Variants in EYS observed in about 807,000 individuals in gnomAD.
EYS encodes protein eyes shut homolog.
Under a neutral mutation model 282.1 loss-of-function variants are expected in EYS, and 250 were observed. The observed-to-expected ratio is 0.89, with a 90% CI of 0.80 to 0.98. The LOEUF (loss-of-function observed/expected upper bound fraction) is 0.98. Among genes scored for constraint, EYS ranks in the 50% least tolerant of loss-of-function variants. EYS has a pLI of 0.00. For synonymous variants in EYS, 1,355 were observed against 1,282.9 expected (o/e 1.06, Z -1.20); for missense variants, 4,016 against 3,709.0 (o/e 1.08, Z -2.15).
intron 35 of EYS, among the ~76,000 whole-genome samples, chr6:63,913,915 T>A (rs1220906199): frequency 1.3e-5 from 2 of 152,220 alleles, no homozygotes; most frequent in Non-Finnish European, 2.9e-5. Context: ...AGCGTATGCT[T>A]CTTTCTGTCT....
chr6:65,112,962 T>A (rs1775255493), intron 12 of EYS, among the ~76,000 whole-genome samples: 1 of 152,124 alleles, frequency 6.6e-6, no homozygotes, highest in Non-Finnish European at 1.5e-5. Flanking sequence ...GTGTTCAGCA[T>A]GTTTCTACAC....
intron 12 of EYS, among the ~76,000 whole-genome samples, chr6:65,070,073 C>T (rs1026789044): frequency 6.6e-6 from 1 of 151,866 alleles, no homozygotes; most frequent in African/African-American, 2.4e-5. Flanking sequence ...GAGGTTAAAA[C>T]AATTCCTAAA....
intron 29 of EYS, among the ~76,000 whole-genome samples, chr6:64,312,524 G>A (rs1024962831): frequency 6.6e-6 from 1 of 152,196 alleles, no homozygotes; most frequent in Non-Finnish European, 1.5e-5. Context: ...CATCGTTTGA[G>A]CTCTGTTAAG....
At chr6:64,255,364 T>C (rs1383366395) in intron 30 of EYS, among the ~76,000 whole-genome samples, 1 of 152,134 alleles carries the variant, frequency 6.6e-6, no homozygotes, top group Non-Finnish European at 1.5e-5. Context: ...ATGAGCATCA[T>C]CTTTCTTTTC....
chr6:65,214,921 G>A (rs143729139), intron 12 of EYS, among the ~76,000 whole-genome samples: 2 of 152,160 alleles, frequency 1.3e-5, no homozygotes, highest in African/African-American at 2.4e-5. Context: ...TCTGGTTACA[G>A]GATGGTTTAC....
intron 34 of EYS, among the ~76,000 whole-genome samples, chr6:63,991,872 C>T (rs956860701): frequency 6.6e-6 from 1 of 151,654 alleles, no homozygotes; most frequent in African/African-American, 2.4e-5. Context: ...TGGGAGCTCC[C>T]ATGAGACTAT....
intron 5 of EYS, among the ~76,000 whole-genome samples, chr6:65,433,859 A>T (rs899079551): frequency 6.6e-6 from 1 of 152,170 alleles, no homozygotes; most frequent in African/African-American, 2.4e-5. Context: ...GGAAAAATTA[A>T]CAAGTTGAAA....
intron 12 of EYS, among the ~76,000 whole-genome samples, chr6:65,110,477 T>G (rs1343047746): frequency 6.6e-6 from 1 of 152,120 alleles, no homozygotes; most frequent in Admixed American, 6.5e-5. Flanking sequence ...GGTAAAACTT[T>G]ATAGAGGGCA....
At chr6:64,447,131 G>T (rs1775142518) in intron 26 of EYS, among the ~76,000 whole-genome samples, 1 of 151,988 alleles carries the variant, frequency 6.6e-6, no homozygotes, top group Admixed American at 6.6e-5. Context: ...ATCACATCTT[G>T]ATTCTTGATT....
chr6:65,542,477 G>A (rs1582435112), intron 2 of EYS, among the ~76,000 whole-genome samples: 1 of 45,750 alleles, frequency 2.2e-5, no homozygotes, highest in South Asian at 7.9e-4. Flanking sequence ...AATAGAATGT[G>A]TGTGTGTGTG....
intron 29 of EYS, among the ~76,000 whole-genome samples, chr6:64,382,527 C>A (rs79127632): frequency 9.5e-4 from 145 of 152,330 alleles, no homozygotes; most frequent in African/African-American, 3.4e-3. Flanking sequence ...CTCACATCTT[C>A]ATAGGTTTAC....
chr6:64,371,562 T>C (rs1470293455), intron 29 of EYS, among the ~76,000 whole-genome samples: 1 of 152,116 alleles, frequency 6.6e-6, no homozygotes, highest in African/African-American at 2.4e-5. Flanking sequence ...ATCCCAAATA[T>C]CTTTGTTAAT....
At chr6:65,290,270 A>C (rs1168004965) in intron 12 of EYS, among the ~76,000 whole-genome samples, 1 of 151,094 alleles carries the variant, frequency 6.6e-6, no homozygotes, top group East Asian at 1.9e-4. Flanking sequence ...GTATTAAACA[A>C]AAATCAGAGA....
At chr6:64,537,206 G>A (rs1319199900) in intron 26 of EYS, among the ~76,000 whole-genome samples, 2 of 128,602 alleles carry the variant, frequency 1.6e-5, no homozygotes, top group African/African-American at 6.0e-5. Context: ...CCCTTCCTGT[G>A]TCCATGTGAT....
chr6:64,913,335 C>A (rs1277693963), intron 15 of EYS, among the ~76,000 whole-genome samples: 1 of 151,998 alleles, frequency 6.6e-6, no homozygotes, highest in Non-Finnish European at 1.5e-5. Context: ...GTAGTTTGGG[C>A]TTTTGTTGAA....
intron 2 of EYS, among the ~76,000 whole-genome samples, chr6:65,627,444 C>T (rs1002936555): frequency 7.2e-5 from 11 of 152,136 alleles, no homozygotes; most frequent in African/African-American, 2.4e-4. Flanking sequence ...AGGAGCCCTT[C>T]GGCCGCCGCT....
At chr6:65,223,769 C>T (rs924453508) in intron 12 of EYS, among the ~76,000 whole-genome samples, 2 of 152,108 alleles carry the variant, frequency 1.3e-5, no homozygotes, top group Non-Finnish European at 2.9e-5. Context: ...GAAAAAGCCT[C>T]GGAAAGAAGA....
chr6:64,844,789 A>T (rs1289878593), intron 19 of EYS, among the ~76,000 whole-genome samples: 1 of 152,200 alleles, frequency 6.6e-6, no homozygotes, highest in African/African-American at 2.4e-5. Flanking sequence ...AAATTAATGC[A>T]TTCAAATATA....
intron 26 of EYS, among the ~76,000 whole-genome samples, chr6:64,456,937 C>T (rs962336501): frequency 6.6e-6 from 1 of 151,952 alleles, no homozygotes; most frequent in Non-Finnish European, 1.5e-5. Context: ...TTACCTAATT[C>T]ATTCTAACTT....
Sources: allele counts gnomAD v4.1 joint callset (sites outside exome capture counted in the v4.1 genomes callset), GRCh38; gene constraint gnomAD v4.1.1; transcripts MANE v1.5; gene names NCBI Gene and HGNC (gene_info 2026-07-23, HGNC 2026-07-21).